The following AAMP variants were observed in gnomAD, a reference collection of about 807,000 sequenced individuals.
AAMP encodes angio-associated migratory cell protein.
Under a neutral mutation model 51.1 loss-of-function variants are expected in AAMP, and 12 were observed. That is an observed-to-expected ratio of 0.23 (90% CI 0.15 to 0.38). The LOEUF (loss-of-function observed/expected upper bound fraction) is 0.38, where lower values mean the gene tolerates loss of function less well. Ranked by LOEUF, AAMP falls within the 10% of genes least tolerant of loss-of-function variation. AAMP has a pLI of 1.00. For missense variants in AAMP, 418 were observed against 557.2 expected (o/e 0.75, Z 2.52); for synonymous variants, 210 against 218.7 (o/e 0.96, Z 0.35).
intron 1 of AAMP, 153 bp downstream of exon 1, chr2:218,269,813 G>T: frequency 7.8e-7 from 1 of 1,279,992 alleles, no homozygotes; most frequent in African/African-American, 1.5e-5. Context: ...CCAGGCCTGA[G>T]AACTAAGTGT....
At chr2:218,269,296 C>A in intron 2 of AAMP, 86 bp downstream of exon 2, 1 of 1,545,404 alleles carries the variant, frequency 6.5e-7, no homozygotes, top group Non-Finnish European at 8.9e-7. Flanking sequence ...ATCTCTGTGT[C>A]CCCCATAACG....
At chr2:218,268,040 C>T (rs1366696684) in intron 2 of AAMP, among the ~76,000 whole-genome samples, 1 of 152,108 alleles carries the variant, frequency 6.6e-6, no homozygotes, top group Admixed American at 6.5e-5. Context: ...ACAATCTCAG[C>T]TCACTGCAAC....
chr2:218,265,741 G>A lies in AAMP; in HGVS notation c.880-59C>T. On this transcript the variant is annotated intron_variant, in intron 7 of 10. Transcript: ENST00000248450. This position sits in a 1 kb window ranked among gnomAD's most constrained non-coding sequence, Gnocchi z 6.6. ...AATCCGGGTGCTTGATGGAGAGAAA[G>A]ACGGTGGGGAGAGGAGACAGTGAAG... The A allele has an allele frequency of 6.3e-7, 1 of 1,583,490 alleles. No individual in the cohort carries two copies. The highest frequency in any genetic ancestry group is 8.7e-7 in the Non-Finnish European group (1 of 1,155,388).
Position 218,270,102 on chromosome 2 carries a change from G to A in AAMP, c.-16C>T. The A allele has an allele frequency of 3.7e-6, 6 of 1,613,386 alleles. No individual in the cohort carries two copies. The highest frequency in any genetic ancestry group is 1.3e-5 in the African/African-American group (1 of 75,054). ...CGGACTCCATGCGGCGCAAGCGGCG[G>A]ATCCACTTCTCTGGGCCCAAACGCC... is the stretch of plus-strand genomic sequence containing the variant. On this transcript the variant is annotated 5_prime_UTR_variant, in exon 1 of 11. Coordinates refer to ENST00000248450, the MANE Select transcript of AAMP (RefSeq NM_001087.5).
chr2:218,265,516 GC>G lies in AAMP; in HGVS notation c.984-56del. On this transcript the variant is annotated intron_variant, in intron 8 of 10. Coordinates refer to ENST00000248450, the MANE Select transcript of AAMP (RefSeq NM_001087.5). The surrounding 1 kb of genome is among the most constrained non-coding windows in gnomAD (Gnocchi z 6.6). ...ATGAGGGCCTGGACTCACACGCCCT[GC>G]CGTCCTCCCGGGCCCCCAGCCCAGG... The G allele has an allele frequency of 4.4e-6, 7 of 1,577,982 alleles. No individual in the cohort carries two copies. The highest frequency in any genetic ancestry group is 5.2e-6 in the Non-Finnish European group (6 of 1,149,142).
rs775067097 is a variant in AAMP at position 218,265,512 on chromosome 2, C to T, written c.984-51G>A. Reference sequence around the variant, plus strand: ...ACTCATGAGGGCCTGGACTCACACGCCCTGCCGTCCTCCCGGGCCCCCAGC... The same window carrying T: ...ACTCATGAGGGCCTGGACTCACACGTCCTGCCGTCCTCCCGGGCCCCCAGC... On this transcript the variant is annotated intron_variant, in intron 8 of 10. Coordinates refer to ENST00000248450, the MANE Select transcript of AAMP (RefSeq NM_001087.5). The surrounding 1 kb of genome is among the most constrained non-coding windows in gnomAD (Gnocchi z 6.6). The T allele has an allele frequency of 6.3e-7, 1 of 1,581,382 alleles. No homozygotes were observed. The highest frequency in any genetic ancestry group is 2.2e-5 in the East Asian group (1 of 44,448).
Position 218,266,389 on chromosome 2 carries a change from C to T in AAMP, c.679+54G>A, listed in dbSNP as rs200612755. The T allele has an allele frequency of 2.0e-5, 32 of 1,591,292 alleles. No homozygotes were observed. In the African/African-American group the frequency reaches 3.8e-4, roughly 19 times the overall value. ...GAAGGCTGCTCTGGGAGGTGTATATCCCGGGATTCGGCCTCTGCACCCAGG... is the reference window on the plus strand; with the variant it reads ...GAAGGCTGCTCTGGGAGGTGTATATTCCGGGATTCGGCCTCTGCACCCAGG... On this transcript the variant is annotated intron_variant, in intron 5 of 10. Transcript: ENST00000248450. The surrounding 1 kb of genome is among the most constrained non-coding windows in gnomAD (Gnocchi z 4.7).
chr2:218,268,202 T>C (rs1690680847), intron 2 of AAMP, among the ~76,000 whole-genome samples: 1 of 151,728 alleles, frequency 6.6e-6, no homozygotes, highest in Admixed American at 6.6e-5. Flanking sequence ...CTCCTAACCT[T>C]CTGATCCACC....
In AAMP at chr2:218,264,698, A is replaced by T. The variant is rs553084539; in HGVS notation, c.1230-90T>A. 1.4e-4 allele frequency: 162 copies of T among 1,162,582 alleles called. No homozygotes were observed. In the African/African-American group the frequency reaches 2.3e-3, roughly 16 times the overall value. 72.0% of individuals were successfully genotyped at this position (1,162,582 alleles called of 1,614,324 possible). A position where few individuals can be genotyped will look rare whatever the true frequency, so the allele number is the denominator to read the frequency against. On this transcript the variant is annotated intron_variant, in intron 10 of 10. Transcript: ENST00000248450. ...GGGTGGGCTCCTCCAGCACACCCTC[A>T]GTTCTAGGGCCCTAGTGCCTAGCAC...
In AAMP at chr2:218,264,183, T is replaced by A; in HGVS notation, c.*350A>T. 1 of 370,848 alleles carries A rather than the reference T, an allele frequency of 2.7e-6. No individual in the cohort carries two copies. Among genetic ancestry groups the A allele is most frequent in the Non-Finnish European group, 4.9e-6 (1 of 203,610 alleles). The allele number at this position is 370,848 out of a possible 1,614,324, so 23.0% of individuals were successfully genotyped here. ...AAAATCTTTAACTAGTATCTCTTCC[T>A]CCTTTCCACCCCCAGAGACTTGGGA... On this transcript the variant is annotated 3_prime_UTR_variant, in exon 11 of 11. Coordinates refer to ENST00000248450, the MANE Select transcript of AAMP (RefSeq NM_001087.5).
chr2:218,265,796 A>C lies in AAMP; in HGVS notation c.879+35T>G, dbSNP rs1239565839. The C allele has an allele frequency of 1.3e-6, 2 of 1,595,322 alleles. No individual in the cohort carries two copies. Among genetic ancestry groups the C allele is most frequent in the African/African-American group, 2.7e-5 (2 of 74,700 alleles). ...AGGAAGGAAGGAGAGGAGTCGGGAA[A>C]GCGGAGGCCCCAGCCGGGCTCCAGG... On this transcript the variant is annotated intron_variant, in intron 7 of 10. Transcript: ENST00000248450. The surrounding 1 kb of genome is among the most constrained non-coding windows in gnomAD (Gnocchi z 6.6).
chr2:218,265,545 C>T lies in AAMP; in HGVS notation c.983+34G>A. On this transcript the variant is annotated intron_variant, in intron 8 of 10. Transcript: ENST00000248450. This position sits in a 1 kb window ranked among gnomAD's most constrained non-coding sequence, Gnocchi z 6.6. Reference sequence around the variant, plus strand: ...TCCTCCCGGGCCCCCAGCCCAGGCCCCTCCCACAAACCCCTTTCCCCATCC... The same window carrying T: ...TCCTCCCGGGCCCCCAGCCCAGGCCTCTCCCACAAACCCCTTTCCCCATCC... The T allele has an allele frequency of 1.2e-6, 2 of 1,605,026 alleles. No homozygotes were observed.
intron 1 of AAMP, chr2:218,269,762 G>T: frequency 1.0e-6 from 1 of 1,003,828 alleles, no homozygotes; most frequent in Non-Finnish European, 1.5e-6. Context: ...GGGTGTGTGA[G>T]GGGAAGGGCC....
chr2:218,269,596 C>A (rs752137748), intron 1 of AAMP, 62 bp from the exon 2 acceptor site: 1 of 1,612,604 alleles, frequency 6.2e-7, no homozygotes, highest in South Asian at 1.1e-5. Flanking sequence ...CGGAGAGAAG[C>A]ATGAGGAGGC....
At position 218,267,463 on chromosome 2, in the gene AAMP, C is replaced by T. The variant is rs1179304365; in HGVS notation, c.394+31G>A. Reference sequence around the variant, plus strand: ...CTAAGATCTCCCAAAAGAATATGACCTCTCCCAGGCCTCTACCCCAGCCCC... The same window carrying T: ...CTAAGATCTCCCAAAAGAATATGACTTCTCCCAGGCCTCTACCCCAGCCCC... On this transcript the variant is annotated intron_variant, in intron 3 of 10. Coordinates refer to ENST00000248450, the MANE Select transcript of AAMP (RefSeq NM_001087.5). This position sits in a 1 kb window ranked among gnomAD's most constrained non-coding sequence, Gnocchi z 4.6. 6.2e-7 allele frequency: 1 copy of T among 1,611,486 alleles called. No individual in the cohort carries two copies. The highest frequency in any genetic ancestry group is 1.3e-5 in the African/African-American group (1 of 74,938).
rs1374218232 is a variant in AAMP, at chr2:218,267,015, G to A, written c.395-29C>T. 3.1e-6 allele frequency: 5 copies of A among 1,606,620 alleles called. No homozygotes were observed. The highest frequency in any genetic ancestry group is 3.4e-5 in the Admixed American group (2 of 58,730). ...CAAAGAAAAGTGGGCAGAAAACAGAGGAAAAAAATAGGGTACCTGGTGCTG... is the reference window on the plus strand; with the variant it reads ...CAAAGAAAAGTGGGCAGAAAACAGAAGAAAAAAATAGGGTACCTGGTGCTG... On this transcript the variant is annotated intron_variant, in intron 3 of 10. Transcript: ENST00000248450. The surrounding 1 kb of genome is among the most constrained non-coding windows in gnomAD (Gnocchi z 4.6).
At position 218,265,135 on chromosome 2, in the gene AAMP, C is replaced by T; in HGVS notation, c.1114G>A (p.Val372Met). ...CCATCCAGGCTGCAGGTATATACCA[C>T]GGCAGTGCCTGCCTCCCACAGCAGC... ...VQLLWEAGTA[V>M]VYTCSLDGIV... The change falls in exon 10 of 11, where the codon GTG becomes ATG. Residue 372 changes from valine to methionine, a missense_variant. By Grantham distance (21) the Val-to-Met change is conservative (BLOSUM62 1). Transcript: ENST00000248450. This position sits in a 1 kb window ranked among gnomAD's most constrained non-coding sequence, Gnocchi z 6.6. 1.9e-6 allele frequency: 3 copies of T among 1,602,864 alleles called. No individual in the cohort carries two copies. The highest frequency in any genetic ancestry group is 1.3e-5 in the African/African-American group (1 of 74,818).
chr2:218,268,955 C>G lies in AAMP; in HGVS notation c.274+427G>C, dbSNP rs374752548. 7.2e-5 allele frequency among the ~76,000 whole-genome samples: 11 copies of G among 152,230 alleles called. 1 individual carries two copies. In the East Asian group the frequency reaches 1.2e-3, roughly 16 times the overall value. ...CTTGTGATCCGCCTGCCTGGGCCTCCTAAAGTGCTGGGATTACAGGCGTGA... is the reference window on the plus strand; with the variant it reads ...CTTGTGATCCGCCTGCCTGGGCCTCGTAAAGTGCTGGGATTACAGGCGTGA... On this transcript the variant is annotated intron_variant, in intron 2 of 10. Coordinates refer to ENST00000248450, the MANE Select transcript of AAMP (RefSeq NM_001087.5).
chr2:218,264,566 C>A lies in AAMP; in HGVS notation c.1272G>T (p.Ala424=), dbSNP rs149502890. ...CAGGCCTTTGGACACAAAATACTTT[C>A]GCTTTGTGGTCTCCTGACGTGGTCA... ...LVVTTSGDHK[A]KVFCVQRPDR The change falls in exon 11 of 11, where the codon GCG becomes GCT. Residue 424 remains alanine (A), a synonymous_variant. Transcript: ENST00000248450. 6.2e-7 allele frequency: 1 copy of A among 1,614,030 alleles called. No individual in the cohort carries two copies. Among genetic ancestry groups the A allele is most frequent in the African/African-American group, 1.3e-5 (1 of 74,928 alleles).
Sources: gnomAD v4.1 joint callset for allele counts (sites outside exome capture counted in the v4.1 genomes callset) on GRCh38, gnomAD v4.1.1 for gene constraint, Gnocchi (gnomAD v3.1) non-coding constraint, MANE v1.5 for transcripts, NCBI Gene and HGNC (gene_info 2026-07-23, HGNC 2026-07-21) for gene names.